Variants in NANS observed in about 807,000 individuals in gnomAD.
NANS encodes the protein N-acetylneuraminate synthase.
Under a neutral mutation model 33.3 loss-of-function variants are expected in NANS, and 29 were observed. The ratio of observed to expected loss-of-function variants is 0.87; its 90% CI spans 0.65 to 1.19. The LOEUF (loss-of-function observed/expected upper bound fraction) is 1.19, where lower values mean the gene tolerates loss of function less well. Among genes scored for constraint, NANS ranks in the 50% most tolerant of loss-of-function variants. NANS has a pLI of 0.00. For missense variants in NANS, 394 were observed against 461.1 expected (o/e 0.85, Z 1.33); for synonymous variants, 163 against 177.2 (o/e 0.92, Z 0.64).
In NANS at chr9:98,056,781, G is replaced by A. The variant is rs1357938931; in HGVS notation, c.-28G>A. 1.2e-6 allele frequency: 2 copies of A among 1,607,836 alleles called. No homozygotes were observed. Among genetic ancestry groups the A allele is most frequent in the South Asian group, 1.1e-5 (1 of 90,612 alleles). On this transcript the variant is annotated 5_prime_UTR_variant, in exon 1 of 6. The change creates a new upstream start codon in the 5' untranslated region. Coordinates refer to ENST00000210444, the MANE Select transcript of NANS (RefSeq NM_018946.4). ...GGCGGCGGCCGGACCCAGACTGGTA[G>A]TGAGGCTTTGGACCCCGAGCCGCTG...
chr9:98,064,283 T>C (rs1042238916), intron 2 of NANS, among the ~76,000 whole-genome samples: 2 of 152,164 alleles, frequency 1.3e-5, no homozygotes, highest in Non-Finnish European at 2.9e-5. Context: ...AGACGGAGTC[T>C]TGGTCTGTTG....
chr9:98,056,801 C>T lies in NANS; in HGVS notation c.-8C>T. 1 of 1,610,906 alleles carries T rather than the reference C, an allele frequency of 6.2e-7. No homozygotes were observed. The highest frequency in any genetic ancestry group is 1.1e-5 in the South Asian group (1 of 90,854). On this transcript the variant is annotated 5_prime_UTR_variant, in exon 1 of 6. Transcript: ENST00000210444. Reference sequence around the variant, plus strand: ...TGGTAGTGAGGCTTTGGACCCCGAGCCGCTGCAATGCCGCTGGAGCTGGAG... The same window carrying T: ...TGGTAGTGAGGCTTTGGACCCCGAGTCGCTGCAATGCCGCTGGAGCTGGAG...
chr9:98,065,006 T>TG (rs1261305709), intron 2 of NANS, among the ~76,000 whole-genome samples: 1 of 152,178 alleles, frequency 6.6e-6, no homozygotes, highest in Non-Finnish European at 1.5e-5. Flanking sequence ...CCCTGCAACC[T>TG]GGGGCAGGGG....
intron 2 of NANS, 83 bp downstream of exon 2, chr9:98,061,080 A>G: frequency 2.3e-6 from 3 of 1,298,282 alleles, no homozygotes; most frequent in Non-Finnish European, 3.3e-6. Flanking sequence ...GCTTAGGGCC[A>G]CCTCCAGCCC....
intron 3 of NANS, among the ~76,000 whole-genome samples, chr9:98,077,471 A>G (rs1451954812): frequency 1.3e-5 from 2 of 151,850 alleles, no homozygotes; most frequent in East Asian, 3.9e-4. Context: ...CAGCCTCCCA[A>G]AGTGTTGGGA....
chr9:98,082,921 G>A lies in NANS; in HGVS notation c.946G>A (p.Val316Met). ...ILTMDMLTVK[V>M]GEPKGYPPED... ...AACAATGGACATGCTCACCGTGAAG[G>A]TGGGTGAGCCCAAAGGCTATCCTCC... The change falls in exon 6 of 6, where the codon GTG (valine) becomes ATG (methionine). Residue 316 changes from valine (V) to methionine (M), a missense_variant. Transcript: ENST00000210444. 1.2e-6 allele frequency: 2 copies of A among 1,614,218 alleles called. No homozygotes were observed. The highest frequency in any genetic ancestry group is 1.7e-6 in the Non-Finnish European group (2 of 1,180,042).
chr9:98,082,881 G>T lies in NANS; in HGVS notation c.906G>T (p.Pro302=). ...CTGTGGTGGCCAAAGTGAAAATTCC[G>T]GAAGGCACCATTCTAACAATGGACA... ...GKSVVAKVKI[P]EGTILTMDML... Residue 302 remains proline, a synonymous_variant, in exon 6 of 6, where the codon CCG becomes CCT. Coordinates refer to ENST00000210444, the MANE Select transcript of NANS (RefSeq NM_018946.4). The T allele has an allele frequency of 6.2e-7, 1 of 1,614,136 alleles. No individual in the cohort carries two copies.
At chr9:98,076,091 G>A (rs1238153656) in intron 2 of NANS, 3 of 152,166 alleles carry the variant, frequency 2.0e-5, no homozygotes, top group Non-Finnish European at 4.4e-5. Context: ...TAGGCAGCGT[G>A]CTTTGAGGCC....
chr9:98,065,336 G>C (rs927999139), intron 2 of NANS, among the ~76,000 whole-genome samples: 2 of 98,610 alleles, frequency 2.0e-5, no homozygotes, highest in African/African-American at 9.5e-5. Flanking sequence ...TTTTGAAACA[G>C]AGTTTCGTTA....
chr9:98,056,766 G>T lies in NANS; in HGVS notation c.-43G>T. ...AGTAGAGGCGGCGGCGGCGGCGGCCGGACCCAGACTGGTAGTGAGGCTTTG... is the reference window on the plus strand; with the variant it reads ...AGTAGAGGCGGCGGCGGCGGCGGCCTGACCCAGACTGGTAGTGAGGCTTTG... On this transcript the variant is annotated 5_prime_UTR_variant, in exon 1 of 6. Coordinates refer to ENST00000210444, the MANE Select transcript of NANS (RefSeq NM_018946.4). 1 of 1,598,446 alleles carries T rather than the reference G, an allele frequency of 6.3e-7. No individual in the cohort carries two copies.
chr9:98,080,134 A>G (rs1002274414), intron 4 of NANS, among the ~76,000 whole-genome samples: 1 of 152,210 alleles, frequency 6.6e-6, no homozygotes, highest in Non-Finnish European at 1.5e-5. Context: ...GAATCGCTTG[A>G]ACCCAGGAGG....
At chr9:98,078,867 A>G (rs1284787758) in intron 4 of NANS, among the ~76,000 whole-genome samples, 1 of 151,582 alleles carries the variant, frequency 6.6e-6, no homozygotes, top group East Asian at 1.9e-4. Flanking sequence ...CTGTCTGTCA[A>G]CAGACATTTG....
At chr9:98,077,387 T>G (rs1829639264) in intron 3 of NANS, among the ~76,000 whole-genome samples, 1 of 151,846 alleles carries the variant, frequency 6.6e-6, no homozygotes, top group East Asian at 1.9e-4. Context: ...TTTTTTTTTT[T>G]TTAATAGAGA....
At chr9:98,074,919 G>GA (rs1432035467) in intron 2 of NANS, 3 of 151,972 alleles carry the variant, frequency 2.0e-5, no homozygotes, top group Admixed American at 1.3e-4. Context: ...AGATTTTATT[G>GA]AAAAAATATA....
intron 1 of NANS, among the ~76,000 whole-genome samples, chr9:98,059,480 T>C (rs547279097): frequency 1.3e-5 from 2 of 152,340 alleles, no homozygotes; most frequent in East Asian, 3.9e-4. Flanking sequence ...AGTGGCACCA[T>C]CATAGCTCAT....
intron 1 of NANS, among the ~76,000 whole-genome samples, chr9:98,059,708 C>G (rs1016831203): frequency 2.0e-5 from 3 of 152,012 alleles, no homozygotes; most frequent in African/African-American, 7.2e-5. Flanking sequence ...GGCCACTGTG[C>G]CTGACCTCTT....
intron 1 of NANS, among the ~76,000 whole-genome samples, chr9:98,059,342 C>G (rs9969813): frequency 0.22 from 33,265 of 152,104 alleles, 3,862 homozygotes; most frequent in Admixed American, 0.27. Context: ...TTTTTAATAG[C>G]ATGAATACCT....
intron 3 of NANS, 55 bp from the exon 4 acceptor site, chr9:98,078,138 A>G (rs1336587720): frequency 1.2e-6 from 2 of 1,610,050 alleles, no homozygotes; most frequent in Admixed American, 1.7e-5. Flanking sequence ...TGTGTTGGGG[A>G]GAGTCAGAAC....
At chr9:98,074,941 TG>T (rs1829516434) in intron 2 of NANS, 2 of 152,118 alleles carry the variant, frequency 1.3e-5, no homozygotes, top group Non-Finnish European at 2.9e-5. Flanking sequence ...TTAAAACTGA[TG>T]TTTTTTCAGT....
Sources: gnomAD v4.1 joint callset for allele counts (sites outside exome capture counted in the v4.1 genomes callset) on GRCh38, gnomAD v4.1.1 for gene constraint, MANE v1.5 for transcripts, NCBI Gene and HGNC (gene_info 2026-07-23, HGNC 2026-07-21) for gene names.